Variants in ARHGEF12 observed in about 807,000 individuals in gnomAD.
ARHGEF12 encodes the protein KMT2A/ARHGEF12 fusion protein.
A neutral mutation model predicts 211.2 loss-of-function variants in ARHGEF12; 66 were observed. That is an observed-to-expected ratio of 0.31 (90% CI 0.26 to 0.38). ARHGEF12 has a LOEUF of 0.38. Ranked by LOEUF, ARHGEF12 falls within the 10% of genes least tolerant of loss-of-function variation. ARHGEF12 has a pLI of 1.00. For synonymous variants in ARHGEF12, 592 were observed against 638.4 expected, an observed-to-expected ratio of 0.93 and a Z score of 1.09; for missense variants, 1,429 against 1,869.5, an observed-to-expected ratio of 0.76 and a Z score of 4.34.
intron 29 of ARHGEF12, among the ~76,000 whole-genome samples, chr11:120,467,776 T>A (rs1457351569): frequency 6.6e-6 from 1 of 152,080 alleles, no homozygotes; most frequent in South Asian, 2.1e-4. Flanking sequence ...CTTCGGGCTG[T>A]TTGATATAAT....
chr11:120,433,648 A>G (rs1945610697), intron 11 of ARHGEF12, among the ~76,000 whole-genome samples: 1 of 152,172 alleles, frequency 6.6e-6, no homozygotes, highest in African/African-American at 2.4e-5. Context: ...ACTTAGAAAT[A>G]TAACCTTATA....
chr11:120,398,308 A>T lies in ARHGEF12; in HGVS notation c.33-7810A>T, dbSNP rs73582239. ...TAGAGCAGTGATTCCCAATTCTGAG[A>T]TGTTGTAAGAGGAATGTCAGAATTC... On this transcript the variant is annotated intron_variant, in intron 1 of 40. Coordinates refer to ENST00000397843, the MANE Select transcript of ARHGEF12 (RefSeq NM_015313.3). Among the ~76,000 whole-genome samples the T allele has an allele frequency of 5.2e-3, 787 of 152,306 alleles. 7 individuals carry two copies. Among genetic ancestry groups the T allele is most frequent in the African/African-American group, 0.018 (741 of 41,556 alleles).
At chr11:120,409,471 C>A (rs1270282498) in intron 4 of ARHGEF12, 21 bp downstream of exon 4, 1 of 1,612,276 alleles carries the variant, frequency 6.2e-7, no homozygotes, top group East Asian at 2.2e-5. Flanking sequence ...GTAGCTAATT[C>A]AGCCTTGCCC....
At chr11:120,468,634 A>G (rs1361826151) in intron 29 of ARHGEF12, among the ~76,000 whole-genome samples, 1 of 152,142 alleles carries the variant, frequency 6.6e-6, no homozygotes, top group Non-Finnish European at 1.5e-5. Flanking sequence ...TATTTTTAGT[A>G]GAAACAAGGT....
At chr11:120,419,466 TGTTA>T (rs1187924151) in intron 4 of ARHGEF12, among the ~76,000 whole-genome samples, 2 of 51,790 alleles carry the variant, frequency 3.9e-5, no homozygotes, top group African/African-American at 1.8e-4. Context: ...TTTCCTTTTG[TGTTA>T]TCTTATGAAA....
At position 120,337,278 on chromosome 11, in the gene ARHGEF12, T is replaced by C; in HGVS notation, c.32+3T>C. The C allele has an allele frequency of 6.2e-7, 1 of 1,614,054 alleles. No individual in the cohort carries two copies. The highest frequency in any genetic ancestry group is 8.5e-7 in the Non-Finnish European group (1 of 1,180,008). ...ACACAGTCTACTATCACCGACAGGT[T>C]GGTATGAATTCCTCCTTCGTTCGGC... On this transcript the variant is annotated splice_donor_region_variant and intron_variant, in intron 1 of 40. Coordinates refer to ENST00000397843, the MANE Select transcript of ARHGEF12 (RefSeq NM_015313.3).
intron 1 of ARHGEF12, among the ~76,000 whole-genome samples, chr11:120,364,600 A>G (rs1341233072): frequency 2.2e-4 from 34 of 152,198 alleles, no homozygotes; most frequent in Admixed American, 2.2e-3. Context: ...AGAAACTGGG[A>G]TGACAAGGAA....
chr11:120,449,036 G>T (rs564227924), intron 20 of ARHGEF12, 73 bp from the exon 21 acceptor site: 2 of 1,236,760 alleles, frequency 1.6e-6, no homozygotes, highest in South Asian at 2.7e-5. Flanking sequence ...CTAACCATTA[G>T]CATTACACTA....
At chr11:120,410,847 A>G (rs1345365480) in intron 4 of ARHGEF12, 1 of 152,130 alleles carries the variant, frequency 6.6e-6, no homozygotes, top group Non-Finnish European at 1.5e-5. Context: ...CCTGGAGACT[A>G]TATTTCTGTT....
chr11:120,485,246 A>G lies in ARHGEF12; in HGVS notation c.*169A>G. The G allele has an allele frequency of 1.5e-6, 1 of 673,716 alleles. No individual in the cohort carries two copies. The highest frequency in any genetic ancestry group is 2.6e-6 in the Non-Finnish European group (1 of 386,778). 41.7% of individuals were successfully genotyped at this position (673,716 alleles called of 1,614,324 possible). ...GTGCCCAGAGTGGGACTAGTTCTTC[A>G]CAGTGTGGCAGCTGCACTAATCTGT... On this transcript the variant is annotated 3_prime_UTR_variant, in exon 41 of 41. Transcript: ENST00000397843.
chr11:120,469,488 A>G, intron 30 of ARHGEF12, 100 bp downstream of exon 30: 1 of 950,718 alleles, frequency 1.1e-6, no homozygotes, highest in Non-Finnish European at 1.6e-6. Context: ...ATCATTACCT[A>G]ATGGACAGGG....
chr11:120,365,473 A>C (rs1943397690), intron 1 of ARHGEF12, among the ~76,000 whole-genome samples: 1 of 152,204 alleles, frequency 6.6e-6, no homozygotes, highest in African/African-American at 2.4e-5. Flanking sequence ...ATGACTCCCA[A>C]GTTTCTGGGT....
At chr11:120,417,835 A>G (rs1945076493) in intron 4 of ARHGEF12, among the ~76,000 whole-genome samples, 1 of 152,166 alleles carries the variant, frequency 6.6e-6, no homozygotes, top group African/African-American at 2.4e-5. Context: ...AGAATTTATA[A>G]AGAATGCTTT....
intron 1 of ARHGEF12, among the ~76,000 whole-genome samples, chr11:120,338,871 C>T (rs1338926043): frequency 6.6e-6 from 1 of 152,114 alleles, no homozygotes; most frequent in African/African-American, 2.4e-5. Context: ...TTCAGCATTG[C>T]TTCTCAGGGA....
At chr11:120,479,266 G>A (rs185717592) in intron 37 of ARHGEF12, among the ~76,000 whole-genome samples, 3 of 152,246 alleles carry the variant, frequency 2.0e-5, no homozygotes, top group Admixed American at 6.5e-5. Flanking sequence ...AGTGGAACCT[G>A]TTGCCTAAAG....
At chr11:120,446,251 T>A (rs913686852) in intron 16 of ARHGEF12, 152 bp from the exon 17 acceptor site, 1 of 256,162 alleles carries the variant, frequency 3.9e-6, no homozygotes, top group African/African-American at 2.3e-5. Context: ...GTAAATGAAA[T>A]CAGAATTCTG....
In ARHGEF12 at chr11:120,367,701, T is replaced by C. The variant is rs146068649; in HGVS notation, c.32+30426T>C. ...TAAATGATAAAATAGCTGAGTGCAGTGGTTCATGCCTGTAATCCCAACACT... is the reference window on the plus strand; with the variant it reads ...TAAATGATAAAATAGCTGAGTGCAGCGGTTCATGCCTGTAATCCCAACACT... On this transcript the variant is annotated intron_variant, in intron 1 of 40. Coordinates refer to ENST00000397843, the MANE Select transcript of ARHGEF12 (RefSeq NM_015313.3). 2.6e-4 allele frequency among the ~76,000 whole-genome samples: 39 copies of C among 151,792 alleles called. No homozygotes were observed. The East Asian group carries it at 6.6e-3, about 26-fold the overall frequency.
At chr11:120,406,265 C>A in intron 2 of ARHGEF12, 124 bp downstream of exon 2, 1 of 578,822 alleles carries the variant, frequency 1.7e-6, no homozygotes. Flanking sequence ...TTCAAAATTT[C>A]AAAATGTTTT....
rs1170717573 is a variant in ARHGEF12, at chr11:120,489,231, G to A, written c.*4154G>A. The A allele has an allele frequency of 8.7e-6, 2 of 228,596 alleles. No individual in the cohort carries two copies. The highest frequency in any genetic ancestry group is 1.1e-4 in the Admixed American group (2 of 17,644). The allele number at this position is 228,596 out of a possible 1,614,324, so 14.2% of individuals were successfully genotyped here. On this transcript the variant is annotated 3_prime_UTR_variant, in exon 41 of 41. Transcript: ENST00000397843. ...AGGTGGGCTTGCCCTAGCATGTGGGGCAGGTTTGTTGTTTTTTTAATAGCT... is the reference window on the plus strand; with the variant it reads ...AGGTGGGCTTGCCCTAGCATGTGGGACAGGTTTGTTGTTTTTTTAATAGCT...
Sources: allele counts gnomAD v4.1 joint callset (sites outside exome capture counted in the v4.1 genomes callset), GRCh38; gene constraint gnomAD v4.1.1; transcripts MANE v1.5; gene names NCBI Gene and HGNC (gene_info 2026-07-23, HGNC 2026-07-21).